Variants in GALNT13 observed in about 807,000 individuals in gnomAD.
GALNT13 encodes polypeptide N-acetylgalactosaminyltransferase 13.
A neutral mutation model predicts 64.2 loss-of-function variants in GALNT13; 28 were observed. The ratio of observed to expected loss-of-function variants is 0.44; its 90% confidence interval spans 0.32 to 0.60. The LOEUF (loss-of-function observed/expected upper bound fraction) is 0.60. Among genes scored for constraint, GALNT13 ranks in the 20% least tolerant of loss-of-function variants. The pLI is 0.05. For synonymous variants in GALNT13, 214 were observed against 224.6 expected (o/e 0.95, Z 0.42); for missense variants, 577 against 669.8 (o/e 0.86, Z 1.53).
intron 3 of GALNT13, among the ~76,000 whole-genome samples, chr2:154,110,354 G>C (rs1574518281): frequency 1.1e-5 from 1 of 92,954 alleles, no homozygotes; most frequent in Non-Finnish European, 2.0e-5. Context: ...GAGAGAGAGA[G>C]AGAGAGAGAG....
chr2:154,166,678 A>G (rs1685044122), intron 4 of GALNT13, among the ~76,000 whole-genome samples: 2 of 152,318 alleles, frequency 1.3e-5, no homozygotes, highest in South Asian at 2.1e-4. Context: ...ACATGCACAC[A>G]TATGTTTATT....
chr2:154,383,404 A>C (rs924820066), intron 9 of GALNT13, among the ~76,000 whole-genome samples: 6 of 151,992 alleles, frequency 3.9e-5, no homozygotes, highest in African/African-American at 1.4e-4. Flanking sequence ...GCTGAAAAAA[A>C]AATTATATGC....
chr2:153,493,658 T>A, the GALNT13 span, among the ~76,000 whole-genome samples: 1 of 151,872 alleles, frequency 6.6e-6, no homozygotes, highest in Non-Finnish European at 1.5e-5. Flanking sequence ...ATAATCTTAA[T>A]AGAAAACCTG....
At chr2:154,300,677 G>A (rs1693393038) in intron 8 of GALNT13, among the ~76,000 whole-genome samples, 1 of 151,904 alleles carries the variant, frequency 6.6e-6, no homozygotes, top group African/African-American at 2.4e-5. Flanking sequence ...AGTATTTTAT[G>A]GCTAGTTTGC....
chr2:153,713,111 C>T, the GALNT13 span, among the ~76,000 whole-genome samples: 14 of 152,072 alleles, frequency 9.2e-5, no homozygotes, highest in Admixed American at 5.2e-4. Context: ...ATGGCAGATA[C>T]GGAATTTAAA....
chr2:153,217,308 T>A, the GALNT13 span, among the ~76,000 whole-genome samples: 1 of 152,080 alleles, frequency 6.6e-6, no homozygotes, highest in Non-Finnish European at 1.5e-5. Flanking sequence ...GCATTTATCA[T>A]AAACTTGCCA....
intron 8 of GALNT13, among the ~76,000 whole-genome samples, chr2:154,292,414 T>G (rs1226384946): frequency 1.3e-5 from 2 of 152,224 alleles, no homozygotes; most frequent in Non-Finnish European, 2.9e-5. Flanking sequence ...AACTCCTCAA[T>G]AAATCACTCA....
the GALNT13 span, among the ~76,000 whole-genome samples, chr2:153,448,917 G>T: frequency 2.4e-4 from 37 of 152,202 alleles, no homozygotes; most frequent in African/African-American, 8.2e-4. Flanking sequence ...GGTCATAAGA[G>T]TGGGGCCTTG....
At chr2:153,908,779 A>AT (rs35985959) in intron 2 of GALNT13, among the ~76,000 whole-genome samples, 41,451 of 151,752 alleles carry the variant, frequency 0.27, 6,910 homozygotes, top group Middle Eastern at 0.46. Flanking sequence ...GTACCATGCC[A>AT]TTTTTTTATT....
the GALNT13 span, among the ~76,000 whole-genome samples, chr2:153,316,647 A>AAAAAAAAAAAG: frequency 6.6e-6 from 1 of 151,282 alleles, no homozygotes. Flanking sequence ...CTCAAAAAAA[A>AAAAAAAAAAAG]AAAAAAAAAA....
At chr2:153,552,112 A>C in the GALNT13 span, among the ~76,000 whole-genome samples, 1 of 152,206 alleles carries the variant, frequency 6.6e-6, no homozygotes, top group South Asian at 2.1e-4. Flanking sequence ...ATGATCAAAA[A>C]TTGACCCCTG....
At chr2:153,468,321 A>G in the GALNT13 span, among the ~76,000 whole-genome samples, 2 of 152,026 alleles carry the variant, frequency 1.3e-5, no homozygotes, top group Admixed American at 1.3e-4. Flanking sequence ...CTTTATCTCA[A>G]TAGTCCGTGA....
intron 4 of GALNT13, among the ~76,000 whole-genome samples, chr2:154,232,846 A>G (rs1472613538): frequency 1.3e-5 from 2 of 151,652 alleles, no homozygotes; most frequent in Non-Finnish European, 2.9e-5. Flanking sequence ...AAGCCTGGGC[A>G]ACATTGTGAG....
the GALNT13 span, among the ~76,000 whole-genome samples, chr2:153,492,438 T>G: frequency 6.6e-6 from 1 of 152,196 alleles, no homozygotes; most frequent in Admixed American, 6.5e-5. Context: ...TAGCTACAAC[T>G]TTAGAGTTGC....
intron 4 of GALNT13, among the ~76,000 whole-genome samples, chr2:154,166,862 C>A (rs1685055672): frequency 6.6e-6 from 1 of 151,900 alleles, no homozygotes; most frequent in Non-Finnish European, 1.5e-5. Context: ...TCATTCTGAG[C>A]AAACTATCGC....
the GALNT13 span, among the ~76,000 whole-genome samples, chr2:153,239,290 A>C: frequency 6.6e-6 from 1 of 152,042 alleles, no homozygotes; most frequent in Admixed American, 6.6e-5. Flanking sequence ...GGCAAGAATA[A>C]TTTGCCATCT....
At chr2:153,472,943 C>T in the GALNT13 span, among the ~76,000 whole-genome samples, 4 of 151,828 alleles carry the variant, frequency 2.6e-5, no homozygotes, top group Non-Finnish European at 1.5e-5. Context: ...AACAGAAAAC[C>T]AAATAGCACA....
intron 3 of GALNT13, among the ~76,000 whole-genome samples, chr2:154,016,628 G>A (rs909624904): frequency 5.9e-5 from 9 of 152,048 alleles, no homozygotes; most frequent in Non-Finnish European, 1.3e-4. Context: ...ATATTGGCCA[G>A]GCTGGTCTTG....
intron 3 of GALNT13, among the ~76,000 whole-genome samples, chr2:154,116,108 T>G (rs1327421802): frequency 6.6e-6 from 1 of 152,182 alleles, no homozygotes. Flanking sequence ...CAGGGTTTAT[T>G]TCCTTAGACA....
Sources: allele counts gnomAD v4.1 joint callset (sites outside exome capture counted in the v4.1 genomes callset), GRCh38; gene constraint gnomAD v4.1.1; transcripts MANE v1.5; gene names NCBI Gene and HGNC (gene_info 2026-07-23, HGNC 2026-07-21).